Variants in SDK1 observed in about 807,000 individuals in gnomAD.
SDK1 encodes sidekick cell adhesion molecule 1.
SDK1 carries 157 observed loss-of-function variants against 245.5 expected under a neutral mutation model. The observed-to-expected ratio is 0.64, with a 90% CI of 0.56 to 0.73. The LOEUF (loss-of-function observed/expected upper bound fraction) is 0.73, where lower values mean the gene tolerates loss of function less well. Ranked by LOEUF, SDK1 falls within the 30% of genes least tolerant of loss-of-function variation. The pLI, the probability that SDK1 is intolerant of heterozygous loss-of-function variation, is 0.00. For synonymous variants in SDK1, 1,647 were observed against 1,278.5 expected (o/e 1.29, Z -6.15); for missense variants, 3,583 against 3,002.3 (o/e 1.19, Z -4.52).
intron 1 of SDK1, among the ~76,000 whole-genome samples, chr7:3,611,741 T>G (rs571215932): frequency 6.6e-6 from 1 of 152,266 alleles, no homozygotes; most frequent in East Asian, 1.9e-4. Flanking sequence ...ATTATGGCTA[T>G]TGATCAGGAA....
chr7:3,884,071 GTTTGTTTTTTTGT>G (rs1781276273), intron 5 of SDK1, among the ~76,000 whole-genome samples: 1 of 139,290 alleles, frequency 7.2e-6, no homozygotes, highest in Admixed American at 7.1e-5. Flanking sequence ...TTTTTTGTTT[GTTTGTTTTTTTGT>G]TTTTTTTTTT....
At chr7:3,938,545 C>T (rs943000254) in intron 5 of SDK1, among the ~76,000 whole-genome samples, 19 of 151,586 alleles carry the variant, frequency 1.3e-4, no homozygotes, top group African/African-American at 4.4e-4. Flanking sequence ...ACTTGGGAGG[C>T]TGAGGCAGGA....
intron 17 of SDK1, among the ~76,000 whole-genome samples, chr7:4,018,268 AG>A (rs1221724089): frequency 6.6e-6 from 1 of 152,186 alleles, no homozygotes; most frequent in Non-Finnish European, 1.5e-5. Context: ...TCAGATGACA[AG>A]GTTTCTGACT....
chr7:3,508,926 T>C (rs989603744), intron 1 of SDK1, among the ~76,000 whole-genome samples: 7 of 152,200 alleles, frequency 4.6e-5, no homozygotes, highest in African/African-American at 1.7e-4. Context: ...GGATTTAGTT[T>C]GTTTTTCTGC....
At chr7:4,123,883 T>C (rs1356486317) in intron 25 of SDK1, among the ~76,000 whole-genome samples, 1 of 152,146 alleles carries the variant, frequency 6.6e-6, no homozygotes. Context: ...AAGGGAGAGA[T>C]GCTGCCTCCC....
In SDK1 at chr7:4,098,308, G is replaced by A. The variant is rs115117116; in HGVS notation, c.3325-12355G>A. ...TCATTTTCGAAAAATAGAGGTCAAC[G>A]TATATATAAATCACAACCGTCAAAC... On this transcript the variant is annotated intron_variant, in intron 22 of 44. Transcript: ENST00000404826. 4.1e-3 allele frequency among the ~76,000 whole-genome samples: 624 copies of A among 152,268 alleles called. 5 individuals are homozygous for A. The highest frequency in any genetic ancestry group is 0.014 in the African/African-American group (592 of 41,544).
chr7:4,175,646 G>T, intron 33 of SDK1, 129 bp from the exon 34 acceptor site: 3 of 792,094 alleles, frequency 3.8e-6, no homozygotes, highest in Non-Finnish European at 6.7e-6. Flanking sequence ...TTATTGCCCC[G>T]GGAGGCGCAG....
chr7:3,637,485 T>C (rs1782496739), intron 2 of SDK1, among the ~76,000 whole-genome samples: 1 of 152,214 alleles, frequency 6.6e-6, no homozygotes, highest in Non-Finnish European at 1.5e-5. Context: ...GAGAACTCAA[T>C]TACTCTACCA....
intron 44 of SDK1, among the ~76,000 whole-genome samples, chr7:4,260,579 G>A (rs373129012): frequency 4.0e-4 from 51 of 127,332 alleles, no homozygotes; most frequent in African/African-American, 1.4e-3. Flanking sequence ...TGGCTGCTCC[G>A]GGGCCTCTGT....
intron 40 of SDK1, among the ~76,000 whole-genome samples, chr7:4,222,133 C>T (rs1229394606): frequency 2.6e-5 from 4 of 152,130 alleles, no homozygotes; most frequent in Non-Finnish European, 5.9e-5. Flanking sequence ...TCTGGCAGGA[C>T]CACGGTGCTA....
intron 4 of SDK1, among the ~76,000 whole-genome samples, chr7:3,748,884 A>G (rs1285198664): frequency 6.6e-6 from 1 of 152,182 alleles, no homozygotes; most frequent in East Asian, 1.9e-4. Flanking sequence ...AATATGATTC[A>G]TCCTGTCCAG....
intron 1 of SDK1, among the ~76,000 whole-genome samples, chr7:3,566,197 T>C (rs1401937202): frequency 1.3e-5 from 2 of 151,896 alleles, no homozygotes; most frequent in East Asian, 3.9e-4. Flanking sequence ...TTTTATTGTA[T>C]GTTTTTGGGA....
intron 1 of SDK1, among the ~76,000 whole-genome samples, chr7:3,614,242 A>C (rs1352500265): frequency 6.6e-6 from 1 of 152,214 alleles, no homozygotes; most frequent in Admixed American, 6.5e-5. Flanking sequence ...TAAATGATTT[A>C]TGTTCTATTT....
At chr7:3,743,574 G>A (rs1361366290) in intron 4 of SDK1, among the ~76,000 whole-genome samples, 2 of 152,128 alleles carry the variant, frequency 1.3e-5, no homozygotes, top group South Asian at 2.1e-4. Context: ...GGTGTGCCGG[G>A]ATACAGAATA....
At chr7:3,784,987 C>T (rs996042677) in intron 4 of SDK1, among the ~76,000 whole-genome samples, 1 of 152,258 alleles carries the variant, frequency 6.6e-6, no homozygotes, top group African/African-American at 2.4e-5. Flanking sequence ...GTAAAGAAAA[C>T]GTGGTACTTA....
intron 1 of SDK1, among the ~76,000 whole-genome samples, chr7:3,458,884 G>A (rs777940382): frequency 7.2e-5 from 11 of 152,146 alleles, no homozygotes; most frequent in Non-Finnish European, 1.5e-4. Context: ...TTTACAAATA[G>A]TCTTTATGTT....
intron 1 of SDK1, among the ~76,000 whole-genome samples, chr7:3,560,672 C>T (rs1229938528): frequency 1.7e-4 from 26 of 152,140 alleles, no homozygotes; most frequent in Admixed American, 1.7e-3. Flanking sequence ...TGGCACCCTT[C>T]TCAGCACTCT....
At chr7:3,431,221 G>C (rs1196792858) in intron 1 of SDK1, among the ~76,000 whole-genome samples, 1 of 151,962 alleles carries the variant, frequency 6.6e-6, no homozygotes, top group African/African-American at 2.4e-5. Context: ...TTTAAACTAA[G>C]AAAACAATGA....
chr7:3,680,189 A>G (rs972756198), intron 4 of SDK1, among the ~76,000 whole-genome samples: 2 of 152,144 alleles, frequency 1.3e-5, no homozygotes, highest in African/African-American at 4.8e-5. Context: ...CCAATCTCCA[A>G]TCTCAAAAGG....
Sources: allele counts gnomAD v4.1 joint callset (sites outside exome capture counted in the v4.1 genomes callset), GRCh38; gene constraint gnomAD v4.1.1; transcripts MANE v1.5; gene names NCBI Gene and HGNC (gene_info 2026-07-23, HGNC 2026-07-21).